The following ARID5B variants were observed in gnomAD, a reference collection of about 807,000 sequenced individuals.
ARID5B encodes AT-rich interactive domain-containing protein 5B.
A neutral mutation model predicts 97.2 loss-of-function variants in ARID5B; 13 were observed. That is an observed-to-expected ratio of 0.13 (90% confidence interval 0.09 to 0.21). ARID5B has a LOEUF of 0.21. Ranked by LOEUF, ARID5B falls within the 10% of genes least tolerant of loss-of-function variation. The probability of loss-of-function intolerance (pLI) is 1.00; values close to 1 mark genes in which losing one functional copy is unlikely to be tolerated. For synonymous variants in ARID5B, 556 were observed against 570.3 expected (o/e 0.97, Z 0.36); for missense variants, 1,210 against 1,465.3 (o/e 0.83, Z 2.84).
rs1364867526 is a variant in ARID5B at position 62,094,922 on chromosome 10, A to C, written c.*1892A>C. ...AAAATAATCAAAACTGATAACAATG[A>C]AACTGCGGCTCTTAAACAAAGCCAT... is the stretch of plus-strand genomic sequence containing the variant. On this transcript the variant is annotated 3_prime_UTR_variant, in exon 10 of 10. Coordinates refer to ENST00000279873, the MANE Select transcript of ARID5B (RefSeq NM_032199.3). The C allele has an allele frequency of 1.3e-5, 3 of 231,396 alleles. No homozygotes were observed. In the East Asian group the frequency reaches 1.8e-4, roughly 14 times the overall value. The allele number at this position is 231,396 out of a possible 1,614,324, so 14.3% of individuals were successfully genotyped here. A position where few individuals can be genotyped will look rare whatever the true frequency, so the allele number is the denominator to read the frequency against.
At chr10:61,983,664 T>G (rs1838806965) in intron 3 of ARID5B, among the ~76,000 whole-genome samples, 1 of 151,984 alleles carries the variant, frequency 6.6e-6, no homozygotes, top group South Asian at 2.1e-4. Flanking sequence ...ATTAGTAATA[T>G]CGTTCATTAT....
chr10:61,961,308 T>C (rs975539261), intron 3 of ARID5B, among the ~76,000 whole-genome samples: 4 of 152,216 alleles, frequency 2.6e-5, no homozygotes, highest in Non-Finnish European at 5.9e-5. Context: ...ATAAAAAATA[T>C]GTTTATCCAT....
chr10:62,047,409 C>T (rs777428070), intron 4 of ARID5B, among the ~76,000 whole-genome samples: 1 of 152,172 alleles, frequency 6.6e-6, no homozygotes, highest in Admixed American at 6.5e-5. Flanking sequence ...CATATACACA[C>T]GTAAAAGTAA....
At chr10:62,061,951 C>G (rs1839926445) in intron 7 of ARID5B, among the ~76,000 whole-genome samples, 1 of 152,204 alleles carries the variant, frequency 6.6e-6, no homozygotes, top group Non-Finnish European at 1.5e-5. Flanking sequence ...TTCATCCCTT[C>G]CTCATTTCCT....
At chr10:61,956,825 C>T (rs1019980893) in intron 3 of ARID5B, among the ~76,000 whole-genome samples, 2 of 152,076 alleles carry the variant, frequency 1.3e-5, no homozygotes, top group Non-Finnish European at 2.9e-5. Context: ...GTAAAAAATC[C>T]TTCTTCACCT....
chr10:62,040,011 A>G (rs975350708), intron 4 of ARID5B, among the ~76,000 whole-genome samples: 1 of 152,164 alleles, frequency 6.6e-6, no homozygotes, highest in Non-Finnish European at 1.5e-5. Context: ...CTCCAGCTCC[A>G]TTTTCTCCTA....
rs1285866655 is a variant in ARID5B, at chr10:62,073,422, G to T, written c.1199+3625G>T. Among the ~76,000 whole-genome samples the T allele has an allele frequency of 2.0e-5, 3 of 152,308 alleles. No homozygotes were observed. The East Asian group carries it at 5.8e-4, about 29-fold the overall frequency. On this transcript the variant is annotated intron_variant, in intron 8 of 9. Coordinates refer to ENST00000279873, the MANE Select transcript of ARID5B (RefSeq NM_032199.3). ...TTGGTTTATTAATGAGTGCAATAAT[G>T]AAAGTGTGGGTTGTTGAAAAGAATC...
chr10:62,049,599 G>C, intron 4 of ARID5B: 1 of 1,409,338 alleles, frequency 7.1e-7, no homozygotes, highest in Non-Finnish European at 9.8e-7. Flanking sequence ...AATGAGAGGA[G>C]AGAGCGGGTG....
At chr10:62,081,285 A>G (rs1200687343) in intron 8 of ARID5B, among the ~76,000 whole-genome samples, 2 of 152,242 alleles carry the variant, frequency 1.3e-5, no homozygotes, top group Non-Finnish European at 2.9e-5. Context: ...AAAGTTCACC[A>G]CTTCTTGCCC....
At position 62,057,150 on chromosome 10, in the gene ARID5B, C is replaced by A. The variant is rs1839867163; in HGVS notation, c.880C>A (p.Pro294Thr). The A allele has an allele frequency of 1.2e-6, 2 of 1,613,432 alleles. No individual in the cohort carries two copies. The highest frequency in any genetic ancestry group is 8.5e-7 in the Non-Finnish European group (1 of 1,179,754). The change falls in exon 6 of 10, where the codon CCG becomes ACG. Residue 294 changes from proline to threonine, a missense_variant. By Grantham distance (38) the Pro-to-Thr change is conservative. Coordinates refer to ENST00000279873, the MANE Select transcript of ARID5B (RefSeq NM_032199.3). Reference sequence around the variant, plus strand: ...TGAGGCCAGGTCAGCCTTGACCAAGCCGAAGAATAACCATAACTGTAAAAA... The same window carrying A: ...TGAGGCCAGGTCAGCCTTGACCAAGACGAAGAATAACCATAACTGTAAAAA... ...KCEARSALTKPKNNHNCKKVS... is the reference protein window; with the variant it reads ...KCEARSALTKTKNNHNCKKVS...
intron 4 of ARID5B, among the ~76,000 whole-genome samples, chr10:62,001,307 C>T (rs1054717431): frequency 1.3e-5 from 2 of 152,126 alleles, no homozygotes; most frequent in African/African-American, 4.8e-5. Flanking sequence ...GAATCACTAC[C>T]ACAGAGTGAC....
In ARID5B at chr10:62,083,322, A is replaced by AG. The variant is rs542722185; in HGVS notation, c.1200-2380_1200-2379insG. ...AAATGAAAGAAAAAATGAAAAAAAAAAAAAAGGAACCGAAATGAGAATGGT... is the reference window on the plus strand; with the variant it reads ...AAATGAAAGAAAAAATGAAAAAAAAAGAAAAAGGAACCGAAATGAGAATGGT... On this transcript the variant is annotated intron_variant, in intron 8 of 9. Transcript: ENST00000279873. Among the ~76,000 whole-genome samples, 1,101 of 151,114 alleles carry AG rather than the reference A, an allele frequency of 7.3e-3. 17 individuals are homozygous for AG. The highest frequency in any genetic ancestry group is 0.014 in the Middle Eastern group (4 of 294).
Position 62,012,513 on chromosome 10 carries a change from C to T in ARID5B, c.733+12192C>T, listed in dbSNP as rs1194113007. Among the ~76,000 whole-genome samples, 9 of 152,212 alleles carry T rather than the reference C, an allele frequency of 5.9e-5. No individual in the cohort carries two copies. The East Asian group carries it at 7.7e-4, about 13-fold the overall frequency. On this transcript the variant is annotated intron_variant, in intron 4 of 9. Coordinates refer to ENST00000279873, the MANE Select transcript of ARID5B (RefSeq NM_032199.3). The stretch of plus-strand genomic sequence containing the variant: ...CACTCCAGCCTCCCAAGCAACTGGG[C>T]GGCAGAGCGAGACCCTGTCTCTATT...
rs546037773 is a variant in ARID5B at position 62,016,309 on chromosome 10, T to C, written c.733+15988T>C. On this transcript the variant is annotated intron_variant, in intron 4 of 9. Transcript: ENST00000279873. ...AACACTCTGACCCTGTACAGAAAAA[T>C]GTATTGACCTCTGATATAGACCAAT... is the stretch of plus-strand genomic sequence containing the variant. 3.9e-4 allele frequency among the ~76,000 whole-genome samples: 59 copies of C among 152,282 alleles called. No homozygotes were observed. The South Asian group carries it at 0.01, about 27-fold the overall frequency.
At chr10:61,911,108 G>T (rs927781659) in intron 2 of ARID5B, among the ~76,000 whole-genome samples, 3 of 152,146 alleles carry the variant, frequency 2.0e-5, no homozygotes, top group Admixed American at 2.0e-4. Flanking sequence ...CTCATCAGTG[G>T]CACTAAACAT....
intron 3 of ARID5B, among the ~76,000 whole-genome samples, chr10:61,947,292 A>G (rs1449863761): frequency 9.0e-6 from 1 of 111,094 alleles, no homozygotes; most frequent in Non-Finnish European, 1.9e-5. Context: ...TTTTTGAGAC[A>G]GGGTCTCACT....
chr10:62,018,600 C>T (rs1470675088), intron 4 of ARID5B, among the ~76,000 whole-genome samples: 34 of 133,934 alleles, frequency 2.5e-4, no homozygotes, highest in African/African-American at 9.6e-4. Flanking sequence ...TTTTTTCAAA[C>T]CTGCCCCTCC....
intron 3 of ARID5B, among the ~76,000 whole-genome samples, chr10:61,967,768 T>A (rs952447122): frequency 6.6e-6 from 1 of 152,180 alleles, no homozygotes. Context: ...CTCTCTTATG[T>A]GTGTGCCATT....
intron 4 of ARID5B, among the ~76,000 whole-genome samples, chr10:62,028,956 CAAAAA>C (rs60831618): frequency 0.017 from 1,601 of 95,408 alleles, 32 homozygotes; most frequent in African/African-American, 0.062. Context: ...GACTCTGTCT[CAAAAA>C]AAAAAAAAAA....
Sources: allele counts gnomAD v4.1 joint callset (sites outside exome capture counted in the v4.1 genomes callset), GRCh38; gene constraint gnomAD v4.1.1; transcripts MANE v1.5; gene names NCBI Gene and HGNC (gene_info 2026-07-23, HGNC 2026-07-21).